CPNE4: variants seen among roughly 807,000 people sequenced by gnomAD.
The protein encoded by CPNE4 is copine 4, also known as copine-4.
In CPNE4, 25 loss-of-function variants were observed where a neutral mutation model predicts 67.9. The ratio of observed to expected loss-of-function variants is 0.37; its 90% CI spans 0.27 to 0.51. The LOEUF (loss-of-function observed/expected upper bound fraction) is 0.51, where lower values mean the gene tolerates loss of function less well. Among genes scored for constraint, CPNE4 ranks in the 20% least tolerant of loss-of-function variants. The pLI is 0.93. For synonymous variants in CPNE4, 242 were observed against 244.9 expected, an observed-to-expected ratio of 0.99 and a Z score of 0.11; for missense variants, 464 against 690.8, an observed-to-expected ratio of 0.67 and a Z score of 3.68.
intron 10 of CPNE4, among the ~76,000 whole-genome samples, chr3:131,564,918 T>C (rs1329617802): frequency 4.6e-5 from 7 of 152,036 alleles, no homozygotes; most frequent in Non-Finnish European, 8.8e-5. Context: ...TTCTCGTTCA[T>C]GTAAGAACTC....
intron 5 of CPNE4, among the ~76,000 whole-genome samples, chr3:131,693,744 C>G (rs1050130029): frequency 1.3e-5 from 2 of 152,154 alleles, no homozygotes; most frequent in Non-Finnish European, 2.9e-5. Flanking sequence ...CCTCTTACCT[C>G]CCCTCTTACC....
intron 2 of CPNE4, among the ~76,000 whole-genome samples, chr3:131,772,114 A>T (rs1397443788): frequency 6.6e-6 from 1 of 152,048 alleles, no homozygotes; most frequent in Non-Finnish European, 1.5e-5. Flanking sequence ...CAGTTTTATC[A>T]TTCCTCAAAG....
chr3:131,708,913 G>A (rs2081481952), intron 3 of CPNE4, among the ~76,000 whole-genome samples: 1 of 133,408 alleles, frequency 7.5e-6, no homozygotes, highest in Non-Finnish European at 1.6e-5. Context: ...ATAATACACT[G>A]TTACTAATTC....
chr3:131,792,304 A>C (rs916334325), intron 2 of CPNE4, among the ~76,000 whole-genome samples: 16 of 152,004 alleles, frequency 1.1e-4, no homozygotes, highest in African/African-American at 3.1e-4. Flanking sequence ...TTCAGGAAAG[A>C]TATTTTAATA....
At chr3:131,913,511 AG>A (rs1210525619) in intron 1 of CPNE4, among the ~76,000 whole-genome samples, 2 of 152,210 alleles carry the variant, frequency 1.3e-5, no homozygotes, top group Non-Finnish European at 2.9e-5. Context: ...TCAGGGAAGA[AG>A]GGACGCAAGA....
At chr3:131,558,894 C>T (rs1331402620) in intron 11 of CPNE4, among the ~76,000 whole-genome samples, 1 of 151,808 alleles carries the variant, frequency 6.6e-6, no homozygotes, top group Non-Finnish European at 1.5e-5. Context: ...AGTTCCTCTA[C>T]ATCCATATGT....
chr3:131,826,261 T>G (rs2107982204), intron 2 of CPNE4, among the ~76,000 whole-genome samples: 1 of 152,184 alleles, frequency 6.6e-6, no homozygotes, highest in East Asian at 1.9e-4. Context: ...GTAGTGCAGT[T>G]TGGCTCACTG....
chr3:131,918,596 AC>A (rs769777046), intron 1 of CPNE4, among the ~76,000 whole-genome samples: 8 of 152,330 alleles, frequency 5.3e-5, no homozygotes, highest in East Asian at 1.9e-4. Context: ...AGCAAAAAAA[AC>A]CACACGTGGA....
chr3:131,960,656 A>C (rs552181420), intron 1 of CPNE4, among the ~76,000 whole-genome samples: 1 of 152,214 alleles, frequency 6.6e-6, no homozygotes, highest in Non-Finnish European at 1.5e-5. Flanking sequence ...CATGCTGATG[A>C]AACTACTGAC....
At chr3:131,948,244 T>A (rs2071618282) in intron 1 of CPNE4, among the ~76,000 whole-genome samples, 1 of 152,162 alleles carries the variant, frequency 6.6e-6, no homozygotes, top group Admixed American at 6.6e-5. Flanking sequence ...GGTAATTGGA[T>A]CACGGGGGCA....
intron 2 of CPNE4, among the ~76,000 whole-genome samples, chr3:131,761,550 T>C (rs1055436640): frequency 1.3e-5 from 2 of 152,074 alleles, no homozygotes; most frequent in African/African-American, 2.4e-5. Flanking sequence ...ACAAAAAGTA[T>C]GGTTCTGGGA....
At chr3:132,004,993 C>A (rs6792968) in intron 1 of CPNE4, among the ~76,000 whole-genome samples, 4,660 of 152,128 alleles carry the variant, frequency 0.031, 219 homozygotes, top group African/African-American at 0.1. Context: ...CTCTTTTCCA[C>A]CTTATTAGTG....
chr3:131,726,651 G>C (rs2082007251), intron 2 of CPNE4, among the ~76,000 whole-genome samples: 1 of 143,436 alleles, frequency 7.0e-6, no homozygotes. Flanking sequence ...AGAGGCATCA[G>C]GGTCAAGGCA....
chr3:131,755,957 T>G (rs2082741537), intron 2 of CPNE4, among the ~76,000 whole-genome samples: 1 of 152,308 alleles, frequency 6.6e-6, no homozygotes, highest in East Asian at 1.9e-4. Context: ...TCTATTTCCT[T>G]CTGAGAGAAT....
At chr3:131,544,493 C>T (rs1582761232) in intron 14 of CPNE4, among the ~76,000 whole-genome samples, 1 of 152,196 alleles carries the variant, frequency 6.6e-6, no homozygotes, top group East Asian at 1.9e-4. Flanking sequence ...ACTAACCACT[C>T]ACCCCTAGTC....
intron 3 of CPNE4, among the ~76,000 whole-genome samples, chr3:131,714,707 G>A (rs1454994940): frequency 1.3e-5 from 2 of 152,134 alleles, no homozygotes; most frequent in Admixed American, 1.3e-4. Flanking sequence ...TCTCTCCCTA[G>A]ATCTTTTGAA....
chr3:132,027,484 T>C (rs2074137343), intron 1 of CPNE4, among the ~76,000 whole-genome samples: 1 of 148,014 alleles, frequency 6.8e-6, no homozygotes, highest in South Asian at 2.2e-4. Context: ...AAAAATCAAC[T>C]ATTTCCACTC....
At chr3:132,017,438 T>C (rs1170845666) in intron 1 of CPNE4, 2 of 151,966 alleles carry the variant, frequency 1.3e-5, no homozygotes, top group African/African-American at 2.4e-5. Flanking sequence ...AAAGAAGGAA[T>C]AAAGGACAAG....
intron 2 of CPNE4, among the ~76,000 whole-genome samples, chr3:131,782,081 C>T (rs1380510786): frequency 6.6e-6 from 1 of 151,942 alleles, no homozygotes; most frequent in East Asian, 1.9e-4. Context: ...TTAAAAATAC[C>T]ACTACTTTTA....
Sources: gnomAD v4.1 joint callset for allele counts (sites outside exome capture counted in the v4.1 genomes callset) on GRCh38, gnomAD v4.1.1 for gene constraint, MANE v1.5 for transcripts, NCBI Gene and HGNC (gene_info 2026-07-23, HGNC 2026-07-21) for gene names.